SCHIP1: variants seen among roughly 807,000 people sequenced by gnomAD.
SCHIP1 encodes the protein schwannomin interacting protein 1, also known as schwannomin-interacting protein 1.
SCHIP1 carries 8 observed loss-of-function variants against 29.7 expected under a neutral mutation model. The observed-to-expected ratio is 0.27, with a 90% confidence interval of 0.16 to 0.49. The LOEUF is 0.49. Ranked by LOEUF, SCHIP1 falls within the 20% of genes least tolerant of loss-of-function variation. SCHIP1 has a pLI of 0.99. For missense variants in SCHIP1, 193 were observed against 294.6 expected, an observed-to-expected ratio of 0.66 and a Z score of 2.52; for synonymous variants, 76 against 94.9, an observed-to-expected ratio of 0.80 and a Z score of 1.16.
At chr3:159,843,808 G>A (rs1349394353) in intron 1 of SCHIP1, among the ~76,000 whole-genome samples, 3 of 117,536 alleles carry the variant, frequency 2.6e-5, no homozygotes, top group South Asian at 2.8e-4. Context: ...GGGCGACAGA[G>A]CAAGACTCTG....
the SCHIP1 span, among the ~76,000 whole-genome samples, chr3:159,421,439 C>T: frequency 1.3e-5 from 2 of 152,216 alleles, no homozygotes; most frequent in Admixed American, 6.5e-5. Flanking sequence ...GGATAAGTTC[C>T]GTATCTGGAT....
chr3:159,644,395 G>A, the SCHIP1 span, among the ~76,000 whole-genome samples: 5 of 152,146 alleles, frequency 3.3e-5, no homozygotes, highest in East Asian at 3.9e-4. Context: ...ATCTGGGTAC[G>A]TATGACAGAA....
At chr3:159,385,636 CAACA>C in the SCHIP1 span, among the ~76,000 whole-genome samples, 1 of 149,888 alleles carries the variant, frequency 6.7e-6, no homozygotes, top group African/African-American at 2.5e-5. Context: ...CTAATCCAGG[CAACA>C]AACACTTGCC....
the SCHIP1 span, among the ~76,000 whole-genome samples, chr3:159,783,556 T>C: frequency 6.6e-6 from 1 of 152,200 alleles, no homozygotes; most frequent in Admixed American, 6.5e-5. Context: ...TTTCCTGTAG[T>C]TGATTTGAAA....
At chr3:159,327,149 T>C in the SCHIP1 span, among the ~76,000 whole-genome samples, 2 of 152,316 alleles carry the variant, frequency 1.3e-5, no homozygotes, top group African/African-American at 4.8e-5. Flanking sequence ...AGACTGTTGG[T>C]TTAAAATTTC....
chr3:159,421,851 C>A, the SCHIP1 span, among the ~76,000 whole-genome samples: 3 of 152,128 alleles, frequency 2.0e-5, no homozygotes, highest in Non-Finnish European at 4.4e-5. Context: ...TAAATTCATA[C>A]CGAGCCCACT....
the SCHIP1 span, among the ~76,000 whole-genome samples, chr3:159,759,824 AATAAT>A: frequency 6.6e-6 from 1 of 152,246 alleles, no homozygotes; most frequent in Non-Finnish European, 1.5e-5. Context: ...CATCGGGGCT[AATAAT>A]ATAAGAATTA....
the SCHIP1 span, among the ~76,000 whole-genome samples, chr3:159,664,051 T>C: frequency 6.6e-6 from 1 of 152,228 alleles, no homozygotes; most frequent in African/African-American, 2.4e-5. Context: ...TTTGTTTCTC[T>C]CTTTTTATTT....
chr3:159,571,357 C>A, the SCHIP1 span, among the ~76,000 whole-genome samples: 1 of 152,172 alleles, frequency 6.6e-6, no homozygotes, highest in Non-Finnish European at 1.5e-5. Context: ...TGAATTTTGT[C>A]AAAGGCCTTT....
chr3:159,623,148 CTCA>C, the SCHIP1 span, among the ~76,000 whole-genome samples: 2 of 152,024 alleles, frequency 1.3e-5, no homozygotes, highest in African/African-American at 4.8e-5. Context: ...CTTGAAAATG[CTCA>C]TCAAGTAGGC....
the SCHIP1 span, among the ~76,000 whole-genome samples, chr3:159,772,106 C>G: frequency 1.3e-5 from 2 of 152,216 alleles, no homozygotes; most frequent in Admixed American, 1.3e-4. Context: ...AAAAATCAGG[C>G]CAGACTCATC....
the SCHIP1 span, among the ~76,000 whole-genome samples, chr3:159,350,101 T>C: frequency 1.3e-5 from 2 of 152,186 alleles, no homozygotes; most frequent in African/African-American, 4.8e-5. Context: ...GGTGGCTCAA[T>C]AGCTGATATT....
chr3:159,606,971 C>T, the SCHIP1 span, among the ~76,000 whole-genome samples: 1 of 152,204 alleles, frequency 6.6e-6, no homozygotes, highest in African/African-American at 2.4e-5. Context: ...GGAGAAGACT[C>T]ACACAAAACA....
the SCHIP1 span, among the ~76,000 whole-genome samples, chr3:159,706,346 G>A: frequency 6.6e-6 from 1 of 152,150 alleles, no homozygotes; most frequent in Non-Finnish European, 1.5e-5. Flanking sequence ...TGTGTCAAGA[G>A]GAACAGAGTG....
the SCHIP1 span, among the ~76,000 whole-genome samples, chr3:159,708,821 T>A: frequency 2.0e-5 from 3 of 152,224 alleles, no homozygotes; most frequent in Non-Finnish European, 2.9e-5. Flanking sequence ...ACCACCTAAC[T>A]GGAGCTGCAA....
chr3:159,486,075 A>C, the SCHIP1 span, among the ~76,000 whole-genome samples: 1 of 152,196 alleles, frequency 6.6e-6, no homozygotes, highest in Non-Finnish European at 1.5e-5. Context: ...TTTGGTATAC[A>C]TAATGAACTT....
At chr3:159,606,216 T>C in the SCHIP1 span, among the ~76,000 whole-genome samples, 1 of 152,210 alleles carries the variant, frequency 6.6e-6, no homozygotes, top group Non-Finnish European at 1.5e-5. Context: ...CAGCACTCAC[T>C]GGTAGCTTTT....
At chr3:159,511,104 G>A in the SCHIP1 span, among the ~76,000 whole-genome samples, 2 of 152,204 alleles carry the variant, frequency 1.3e-5, no homozygotes, top group Non-Finnish European at 2.9e-5. Context: ...CTTGAGCTGT[G>A]GTGGGCTCCA....
At chr3:159,408,074 G>A in the SCHIP1 span, among the ~76,000 whole-genome samples, 55,616 of 151,952 alleles carry the variant, frequency 0.37, 11,525 homozygotes, top group East Asian at 0.5. Context: ...CGAGGCAGGC[G>A]GATCACGAGG....
Sources: allele counts gnomAD v4.1 joint callset (sites outside exome capture counted in the v4.1 genomes callset), GRCh38; gene constraint gnomAD v4.1.1; transcripts MANE v1.5; gene names NCBI Gene and HGNC (gene_info 2026-07-23, HGNC 2026-07-21).